The following IQCM variants were observed in gnomAD, a reference collection of about 807,000 sequenced individuals.
IQCM encodes the protein IQ domain-containing protein M.
IQCM carries 45 observed loss-of-function variants against 57.6 expected under a neutral mutation model. The observed-to-expected ratio is 0.78, with a 90% CI of 0.62 to 1.00. The LOEUF (loss-of-function observed/expected upper bound fraction) is 1.00. Among genes scored for constraint, IQCM ranks in the 50% least tolerant of loss-of-function variants. IQCM has a pLI of 0.00. For missense variants in IQCM, 468 were observed against 511.6 expected (o/e 0.91, Z 0.82); for synonymous variants, 148 against 158.9 (o/e 0.93, Z 0.51).
At chr4:149,736,440 G>A (rs114972795) in intron 3 of IQCM, among the ~76,000 whole-genome samples, 1,710 of 152,214 alleles carry the variant, frequency 0.011, 43 homozygotes, top group African/African-American at 0.039. Context: ...ACTTATAAGT[G>A]TTTCTTGGCT....
chr4:149,631,363 C>T (rs936777187), intron 7 of IQCM, among the ~76,000 whole-genome samples: 5 of 152,060 alleles, frequency 3.3e-5, no homozygotes, highest in African/African-American at 9.7e-5. Flanking sequence ...ACTGTGAGAC[C>T]CTCTAATGAA....
intron 12 of IQCM, among the ~76,000 whole-genome samples, chr4:149,462,797 A>G (rs1738445382): frequency 6.6e-6 from 1 of 152,208 alleles, no homozygotes; most frequent in Non-Finnish European, 1.5e-5. Flanking sequence ...AGCAAAATTA[A>G]ATCAGAAATT....
intron 2 of IQCM, among the ~76,000 whole-genome samples, chr4:149,805,792 T>C (rs1774024509): frequency 6.6e-6 from 1 of 152,034 alleles, no homozygotes; most frequent in Non-Finnish European, 1.5e-5. Flanking sequence ...ATTTTTATTT[T>C]TCATCTAATT....
rs573995019 is a variant in IQCM, at chr4:149,537,508, G to A, written c.1228+10947C>T. On this transcript the variant is annotated intron_variant, in intron 12 of 13. Transcript: ENST00000636793. Reference sequence around the variant, plus strand: ...GTGTACTAACATAAGTATAATGAGAGTTAGCAAAGGAAAGGAGAGAGAAGG... The same window carrying A: ...GTGTACTAACATAAGTATAATGAGAATTAGCAAAGGAAAGGAGAGAGAAGG... 4.8e-4 allele frequency among the ~76,000 whole-genome samples: 73 copies of A among 151,918 alleles called. 1 individual carries two copies. In the South Asian group the frequency reaches 0.015, roughly 32 times the overall value.
At chr4:149,611,779 T>C (rs1017983208) in intron 8 of IQCM, among the ~76,000 whole-genome samples, 6 of 151,898 alleles carry the variant, frequency 4.0e-5, no homozygotes, top group Non-Finnish European at 8.8e-5. Context: ...AGTAGAACAA[T>C]AGGGCAACTA....
At chr4:149,396,366 T>C (rs553781653) in intron 13 of IQCM, among the ~76,000 whole-genome samples, 1 of 151,858 alleles carries the variant, frequency 6.6e-6, no homozygotes, top group South Asian at 2.1e-4. Flanking sequence ...ATATGATAAA[T>C]GTTCTTACCA....
chr4:149,786,819 C>T (rs1346689036), intron 2 of IQCM, among the ~76,000 whole-genome samples: 1 of 152,170 alleles, frequency 6.6e-6, no homozygotes, highest in Non-Finnish European at 1.5e-5. Context: ...CCAGCAATCC[C>T]ATTACTGGGT....
At chr4:149,777,647 A>C (rs1771217851) in intron 2 of IQCM, among the ~76,000 whole-genome samples, 1 of 152,188 alleles carries the variant, frequency 6.6e-6, no homozygotes, top group Non-Finnish European at 1.5e-5. Flanking sequence ...AAGAATATAG[A>C]AATAAAGGAA....
At chr4:149,449,449 T>A (rs1178663872) in intron 12 of IQCM, among the ~76,000 whole-genome samples, 3 of 147,192 alleles carry the variant, frequency 2.0e-5, no homozygotes, top group Non-Finnish European at 4.5e-5. Context: ...CCTACTGACA[T>A]CCTACTAATA....
chr4:149,628,363 AT>A (rs1756988291), intron 7 of IQCM, among the ~76,000 whole-genome samples: 1 of 152,190 alleles, frequency 6.6e-6, no homozygotes, highest in African/African-American at 2.4e-5. Context: ...GAGAATTAGC[AT>A]TTTTAAAAGG....
intron 9 of IQCM, among the ~76,000 whole-genome samples, chr4:149,584,130 A>G (rs1241891533): frequency 6.6e-6 from 1 of 151,496 alleles, no homozygotes; most frequent in Non-Finnish European, 1.5e-5. Flanking sequence ...TATTTTATTT[A>G]AAAAACAGAA....
chr4:149,718,512 G>A (rs972125960), intron 5 of IQCM, among the ~76,000 whole-genome samples: 14 of 152,164 alleles, frequency 9.2e-5, no homozygotes, highest in Non-Finnish European at 1.8e-4. Flanking sequence ...TTTTGACAAG[G>A]AAATTATTTT....
intron 2 of IQCM, among the ~76,000 whole-genome samples, chr4:149,793,076 T>C (rs745934320): frequency 6.6e-6 from 1 of 152,198 alleles, no homozygotes; most frequent in African/African-American, 2.4e-5. Flanking sequence ...AATCCCTTGA[T>C]GGAATTTCAG....
At chr4:149,554,995 G>A (rs1749443749) in intron 10 of IQCM, among the ~76,000 whole-genome samples, 1 of 151,982 alleles carries the variant, frequency 6.6e-6, no homozygotes. Context: ...CACTGCACCC[G>A]GCCCATATTA....
chr4:149,673,473 C>T (rs1355720153), intron 7 of IQCM, among the ~76,000 whole-genome samples: 1 of 152,016 alleles, frequency 6.6e-6, no homozygotes, highest in Admixed American at 6.6e-5. Flanking sequence ...GGTTGCAATC[C>T]TAGTCTCTGA....
intron 2 of IQCM, among the ~76,000 whole-genome samples, chr4:149,744,458 C>T (rs1016402180): frequency 2.0e-5 from 3 of 152,166 alleles, no homozygotes; most frequent in African/African-American, 7.2e-5. Context: ...TCTGTTGGCT[C>T]CTCCACCTTA....
chr4:149,605,264 AT>A (rs1292259771), intron 8 of IQCM, among the ~76,000 whole-genome samples: 1 of 152,218 alleles, frequency 6.6e-6, no homozygotes, highest in African/African-American at 2.4e-5. Context: ...GAAAATAGGT[AT>A]TAAGAGTTTT....
At chr4:149,572,802 A>G (rs962963712) in intron 9 of IQCM, among the ~76,000 whole-genome samples, 2 of 152,004 alleles carry the variant, frequency 1.3e-5, no homozygotes, top group Non-Finnish European at 2.9e-5. Flanking sequence ...GAAATAAGGC[A>G]CCATTTTTCA....
At chr4:149,623,483 A>T (rs1756525307) in intron 7 of IQCM, among the ~76,000 whole-genome samples, 1 of 152,178 alleles carries the variant, frequency 6.6e-6, no homozygotes, top group Admixed American at 6.5e-5. Flanking sequence ...CTCCACTAAA[A>T]TCCTCAAGGT....
Sources: allele counts gnomAD v4.1 joint callset (sites outside exome capture counted in the v4.1 genomes callset), GRCh38; gene constraint gnomAD v4.1.1; transcripts MANE v1.5; gene names NCBI Gene and HGNC (gene_info 2026-07-23, HGNC 2026-07-21).